GAD2: variants seen among roughly 807,000 people sequenced by gnomAD.
GAD2 encodes the protein 65 kDa glutamic acid decarboxylase.
A neutral mutation model predicts 80.1 loss-of-function variants in GAD2; 22 were observed. The ratio of observed to expected loss-of-function variants is 0.27; its 90% CI spans 0.20 to 0.39. GAD2 has a LOEUF of 0.39. Ranked by LOEUF, GAD2 falls within the 10% of genes least tolerant of loss-of-function variation. GAD2 has a pLI of 1.00. For missense variants in GAD2, 624 were observed against 738.4 expected, an observed-to-expected ratio of 0.85 and a Z score of 1.80; for synonymous variants, 274 against 256.9, an observed-to-expected ratio of 1.07 and a Z score of -0.64.
At chr10:26,244,738 A>G (rs1406165825) in intron 7 of GAD2, among the ~76,000 whole-genome samples, 2 of 152,012 alleles carry the variant, frequency 1.3e-5, no homozygotes, top group Non-Finnish European at 2.9e-5. Context: ...GAGAATGAGG[A>G]GTTGTTTAAT....
At chr10:26,258,682 C>T (rs534283872) in intron 8 of GAD2, among the ~76,000 whole-genome samples, 2 of 152,306 alleles carry the variant, frequency 1.3e-5, no homozygotes, top group East Asian at 3.9e-4. Context: ...CCTCAAGGTT[C>T]ATCCATGTTG....
At chr10:26,222,225 G>A (rs1844461875) in intron 4 of GAD2, among the ~76,000 whole-genome samples, 1 of 152,062 alleles carries the variant, frequency 6.6e-6, no homozygotes, top group Non-Finnish European at 1.5e-5. Flanking sequence ...TATCATCAGG[G>A]TGAATTGGCC....
chr10:26,230,400 T>C (rs1844586750), intron 7 of GAD2, among the ~76,000 whole-genome samples: 2 of 152,008 alleles, frequency 1.3e-5, no homozygotes, highest in Non-Finnish European at 2.9e-5. Context: ...TGATAGATAT[T>C]CTGCCCTCAT....
intron 11 of GAD2, 29 bp downstream of exon 11, chr10:26,273,729 TAA>T (rs753924762): frequency 6.3e-7 from 1 of 1,587,618 alleles, no homozygotes; most frequent in Admixed American, 1.7e-5. Flanking sequence ...ATTAACAACA[TAA>T]AGTGTTAAAA....
chr10:26,250,684 C>T (rs1844869240), intron 8 of GAD2, among the ~76,000 whole-genome samples: 1 of 152,064 alleles, frequency 6.6e-6, no homozygotes, highest in Non-Finnish European at 1.5e-5. Flanking sequence ...GCCAGAAACA[C>T]AGTGAGAGCT....
At chr10:26,227,055 C>T (rs550205056) in intron 6 of GAD2, among the ~76,000 whole-genome samples, 4 of 152,290 alleles carry the variant, frequency 2.6e-5, no homozygotes, top group East Asian at 1.9e-4. Flanking sequence ...TGCAGTGGCA[C>T]GATCTCAGCT....
intron 7 of GAD2, among the ~76,000 whole-genome samples, chr10:26,235,209 T>A (rs1018187047): frequency 2.0e-5 from 3 of 152,196 alleles, no homozygotes; most frequent in African/African-American, 7.2e-5. Context: ...CCTGATCTAC[T>A]GAACCAGGTC....
intron 8 of GAD2, among the ~76,000 whole-genome samples, chr10:26,252,692 G>A (rs1408297054): frequency 6.7e-6 from 1 of 150,328 alleles, no homozygotes; most frequent in Non-Finnish European, 1.5e-5. Flanking sequence ...TCTTGCTCTT[G>A]TTGCCCAGGC....
chr10:26,275,742 C>T (rs1037345676), intron 11 of GAD2, among the ~76,000 whole-genome samples: 6 of 152,218 alleles, frequency 3.9e-5, no homozygotes, highest in African/African-American at 7.2e-5. Flanking sequence ...GACATTTTTC[C>T]AAGCTCCGCA....
At chr10:26,242,773 T>G (rs1844758955) in intron 7 of GAD2, among the ~76,000 whole-genome samples, 1 of 152,214 alleles carries the variant, frequency 6.6e-6, no homozygotes, top group Non-Finnish European at 1.5e-5. Flanking sequence ...TTGCTCCTCA[T>G]TTAAGAACCC....
At chr10:26,289,532 G>A (rs1200005880) in intron 13 of GAD2, among the ~76,000 whole-genome samples, 1 of 151,796 alleles carries the variant, frequency 6.6e-6, no homozygotes, top group Non-Finnish European at 1.5e-5. Context: ...ACCAATTTAT[G>A]CAAAAAATAA....
At chr10:26,281,150 G>T in intron 12 of GAD2, 63 bp downstream of exon 12, 2 of 1,187,020 alleles carry the variant, frequency 1.7e-6, no homozygotes, top group South Asian at 2.5e-5. Flanking sequence ...TTATGCGGTT[G>T]ACTTTCTCTG....
At chr10:26,266,224 T>C (rs1308902642) in intron 8 of GAD2, among the ~76,000 whole-genome samples, 1 of 152,246 alleles carries the variant, frequency 6.6e-6, no homozygotes, top group Admixed American at 6.5e-5. Context: ...GCAACACTGC[T>C]TGGCACATAG....
chr10:26,278,055 A>G (rs1845231984), intron 11 of GAD2, among the ~76,000 whole-genome samples: 1 of 152,110 alleles, frequency 6.6e-6, no homozygotes. Flanking sequence ...ATCAATCTGC[A>G]GGGCTTTTTG....
chr10:26,224,780 G>C, intron 6 of GAD2, 129 bp downstream of exon 6: 2 of 649,048 alleles, frequency 3.1e-6, no homozygotes, highest in Non-Finnish European at 5.4e-6. Context: ...TTGATCAAAA[G>C]AATGACTGTG....
At chr10:26,279,525 C>T (rs1196657250) in intron 11 of GAD2, among the ~76,000 whole-genome samples, 2 of 152,116 alleles carry the variant, frequency 1.3e-5, no homozygotes, top group African/African-American at 4.8e-5. Flanking sequence ...AGAAAACTGT[C>T]AGTGATTTCA....
chr10:26,245,918 C>T lies in GAD2; in HGVS notation c.841-3C>T. 2 of 1,608,082 alleles carry T rather than the reference C, an allele frequency of 1.2e-6. No homozygotes were observed. Among genetic ancestry groups the T allele is most frequent in the East Asian group, 2.2e-5 (1 of 44,836 alleles). On this transcript the variant is annotated splice_region_variant and splice_polypyrimidine_tract_variant and intron_variant, in intron 7 of 15. Coordinates refer to ENST00000376261, the MANE Select transcript of GAD2 (RefSeq NM_001134366.2). ...ATTGCAAATATATATATTTTTTTTA[C>T]AGAGTCATTTTTCTCTCAAGAAGGG...
intron 15 of GAD2, among the ~76,000 whole-genome samples, chr10:26,294,799 C>T (rs1334674586): frequency 2.0e-5 from 3 of 152,116 alleles, no homozygotes; most frequent in Non-Finnish European, 4.4e-5. Flanking sequence ...CAGGCAATAA[C>T]AACGAGAATA....
intron 12 of GAD2, among the ~76,000 whole-genome samples, chr10:26,285,060 A>C (rs1204078758): frequency 6.6e-6 from 1 of 152,276 alleles, no homozygotes; most frequent in East Asian, 1.9e-4. Context: ...AATAAAAGTG[A>C]GTGTTGCAAA....
Sources: gnomAD v4.1 joint callset for allele counts (sites outside exome capture counted in the v4.1 genomes callset) on GRCh38, gnomAD v4.1.1 for gene constraint, MANE v1.5 for transcripts, NCBI Gene and HGNC (gene_info 2026-07-23, HGNC 2026-07-21) for gene names.